Variants in TOP2B observed in about 807,000 individuals in gnomAD.
The protein encoded by TOP2B is DNA topoisomerase 2-beta.
In TOP2B, 51 loss-of-function variants were observed where a neutral mutation model predicts 193.5. The ratio of observed to expected loss-of-function variants is 0.26; its 90% confidence interval spans 0.21 to 0.33. The LOEUF is 0.33. Ranked by LOEUF, TOP2B falls within the 10% of genes least tolerant of loss-of-function variation. The probability of loss-of-function intolerance (pLI) is 1.00; values close to 1 mark genes in which losing one functional copy is unlikely to be tolerated. For synonymous variants in TOP2B, 634 were observed against 635.7 expected (o/e 1.00, Z 0.04); for missense variants, 1,378 against 1,909.3 (o/e 0.72, Z 5.19).
chr3:25,604,639 C>A lies in TOP2B; in HGVS notation c.4489+121G>T, dbSNP rs1702189230. 8 of 782,564 alleles carry A rather than the reference C, an allele frequency of 1.0e-5. No individual in the cohort carries two copies. The South Asian group carries it at 1.2e-4, about 12-fold the overall frequency. The allele number at this position is 782,564 out of a possible 1,614,324, so 48.5% of individuals were successfully genotyped here. ...GAAAACGAGAGGTTCTCCTTATAAGCACTTATACTTCTTAATTGTTTTATG... is the reference window on the plus strand; with the variant it reads ...GAAAACGAGAGGTTCTCCTTATAAGAACTTATACTTCTTAATTGTTTTATG... On this transcript the variant is annotated intron_variant, in intron 33 of 35. Coordinates refer to ENST00000264331, the MANE Select transcript of TOP2B (RefSeq NM_001330700.2).
intron 13 of TOP2B, among the ~76,000 whole-genome samples, chr3:25,629,364 AT>A (rs1246749376): frequency 6.6e-6 from 1 of 152,096 alleles, no homozygotes; most frequent in Non-Finnish European, 1.5e-5. Flanking sequence ...ATATATTATC[AT>A]TTTATCTGTT....
intron 35 of TOP2B, among the ~76,000 whole-genome samples, chr3:25,599,164 AGT>A (rs1702019821): frequency 2.6e-5 from 4 of 152,228 alleles, no homozygotes; most frequent in African/African-American, 9.6e-5. Context: ...AGTCTGAAAG[AGT>A]CTAATATTTA....
intron 23 of TOP2B, 81 bp downstream of exon 23, chr3:25,619,781 C>A: frequency 2.0e-6 from 2 of 983,568 alleles, no homozygotes; most frequent in Non-Finnish European, 3.0e-6. Flanking sequence ...ACTATAGCCA[C>A]TCCCATCATG....
chr3:25,607,323 A>C lies in TOP2B; in HGVS notation c.4146T>G (p.Ala1382=). 2 of 1,552,886 alleles carry C rather than the reference A, an allele frequency of 1.3e-6. No homozygotes were observed. Residue 1382 remains alanine, a synonymous_variant, in exon 31 of 36, where the codon GCT becomes GCG. Transcript: ENST00000264331. ...CATTATTGTCATCATCATCATCATC[A>C]GCATCATCATCCTCTTCTTCTGAGA... The part of the protein sequence containing the change: ...FDFSEEEDDD[A]DDDDDDNNDL...
chr3:25,624,379 G>C lies in TOP2B; in HGVS notation c.2413C>G (p.Leu805Val). 2 of 1,613,902 alleles carry C rather than the reference G, an allele frequency of 1.2e-6. No homozygotes were observed. Among genetic ancestry groups the C allele is most frequent in the Non-Finnish European group, 1.7e-6 (2 of 1,179,852 alleles). The change falls in exon 20 of 36, where the codon CTT (leucine) becomes GTT (valine). Residue 805 changes from leucine (L) to valine (V), a missense_variant. By Grantham distance (32) the Leu-to-Val change is conservative. Transcript: ENST00000264331. ...NFVGSNNINL[L>V]QPIGQFGTRL... is the part of the protein sequence containing the mutation. ...GTTCCAAACTGACCAATAGGCTGAA[G>C]CAAGTTAATGTTGTTACTTCCCACA... is the stretch of plus-strand genomic sequence containing the variant.
chr3:25,645,514 G>T, intron 1 of TOP2B, 44 bp from the exon 2 acceptor site: 1 of 1,490,356 alleles, frequency 6.7e-7, no homozygotes, highest in South Asian at 1.3e-5. Context: ...CTACCAAGGG[G>T]TAGACAATGA....
At chr3:25,650,788 T>C (rs185490534) in intron 1 of TOP2B, among the ~76,000 whole-genome samples, 26 of 152,336 alleles carry the variant, frequency 1.7e-4, no homozygotes, top group Admixed American at 1.7e-3. Context: ...TCATCTCTTC[T>C]TAAAAGAAGT....
rs1345610091 is a variant in TOP2B, at chr3:25,637,195, T to A, written c.639+20A>T. On this transcript the variant is annotated intron_variant, in intron 6 of 35. Coordinates refer to ENST00000264331, the MANE Select transcript of TOP2B (RefSeq NM_001330700.2). ...TAAAACGTTATTTTAAAAAAAGAAA[T>A]AGATGTGTTTCTAGCATACCTGCTT... The A allele has an allele frequency of 1.3e-5, 20 of 1,507,730 alleles. No individual in the cohort carries two copies. The highest frequency in any genetic ancestry group is 1.7e-4 in the Middle Eastern group (1 of 5,862). The allele number at this position is 1,507,730 out of a possible 1,614,324, so 93.4% of individuals were successfully genotyped here.
intron 18 of TOP2B, among the ~76,000 whole-genome samples, chr3:25,626,285 A>G (rs999914016): frequency 6.6e-6 from 1 of 152,146 alleles, no homozygotes; most frequent in Non-Finnish European, 1.5e-5. Context: ...TCTGCAGACA[A>G]CTTGGGCAAA....
At position 25,598,322 on chromosome 3, in the gene TOP2B, A is replaced by AAAATCAACATCATCTTCT; in HGVS notation, c.4848_4865dup (p.Asp1621_Phe1622insLeuGluAspAspValAsp). On this transcript the variant is annotated inframe_insertion, in exon 36 of 36. Transcript: ENST00000264331. ...CTTTGGGCACTTAATTAAACATTGC[A>AAAATCAACATCATCTTCT]AAATCAACATCATCTTCTTCTTCAT... 1 of 1,609,454 alleles carries AAAATCAACATCATCTTCT rather than the reference A, an allele frequency of 6.2e-7. No homozygotes were observed. The highest frequency in any genetic ancestry group is 8.5e-7 in the Non-Finnish European group (1 of 1,177,552).
chr3:25,633,936 G>T lies in TOP2B; in HGVS notation c.931C>A (p.His311Asn). The change falls in exon 8 of 36, where the codon CAT becomes AAT. Residue 311 changes from histidine to asparagine, a missense_variant. Coordinates refer to ENST00000264331, the MANE Select transcript of TOP2B (RefSeq NM_001330700.2). ...TCCCATCTTTCATTTGCAAGCTCATGAATAACTTTCAGGGCCACCCCAGTT... is the reference window on the plus strand; with the variant it reads ...TCCCATCTTTCATTTGCAAGCTCATTAATAACTTTCAGGGCCACCCCAGTT... Reference protein sequence around the residue: ...DETGVALKVIHELANERWDVC... With the variant: ...DETGVALKVINELANERWDVC... 3 of 1,613,074 alleles carry T rather than the reference G, an allele frequency of 1.9e-6. No homozygotes were observed. Among genetic ancestry groups the T allele is most frequent in the Non-Finnish European group, 2.5e-6 (3 of 1,179,362 alleles).
intron 9 of TOP2B, 39 bp from the exon 10 acceptor site, chr3:25,632,622 G>C: frequency 1.2e-6 from 2 of 1,603,372 alleles, no homozygotes; most frequent in East Asian, 2.2e-5. Context: ...TATCAGAGCT[G>C]ATATTTAGTA....
At chr3:25,626,268 T>C (rs2125372527) in intron 18 of TOP2B, among the ~76,000 whole-genome samples, 1 of 152,278 alleles carries the variant, frequency 6.6e-6, no homozygotes, top group East Asian at 1.9e-4. Flanking sequence ...TTTACTTTTT[T>C]AGAAAATCTG....
At chr3:25,630,732 T>TA (rs972822263) in intron 11 of TOP2B, 69 bp downstream of exon 11, 38 of 1,363,306 alleles carry the variant, frequency 2.8e-5, no homozygotes, top group Non-Finnish European at 3.6e-5. Flanking sequence ...ATGTAGAAAA[T>TA]AAAAAAATTC....
intron 8 of TOP2B, among the ~76,000 whole-genome samples, 193 bp from the exon 9 acceptor site, chr3:25,632,987 T>C (rs1008319161): frequency 3.3e-5 from 5 of 152,118 alleles, no homozygotes; most frequent in African/African-American, 1.2e-4. Flanking sequence ...TTTGTTTGTT[T>C]GTTTGCTTTC....
intron 1 of TOP2B, among the ~76,000 whole-genome samples, chr3:25,651,791 T>C (rs537554912): frequency 6.6e-6 from 1 of 151,160 alleles, no homozygotes; most frequent in Admixed American, 6.6e-5. Flanking sequence ...CACTTGAACC[T>C]GAGGCAGAGG....
At chr3:25,614,757 C>A (rs894514230) in intron 27 of TOP2B, among the ~76,000 whole-genome samples, 1 of 151,884 alleles carries the variant, frequency 6.6e-6, no homozygotes, top group African/African-American at 2.4e-5. Context: ...TATATCTCTA[C>A]ATTTTTTTTA....
chr3:25,628,424 T>A (rs1032429539), intron 15 of TOP2B, among the ~76,000 whole-genome samples: 2 of 151,516 alleles, frequency 1.3e-5, no homozygotes, highest in African/African-American at 4.8e-5. Context: ...GGCAGTGAGC[T>A]GTGTTCATGC....
chr3:25,615,037 CAAG>C (rs1702468726), intron 27 of TOP2B, among the ~76,000 whole-genome samples, 165 bp downstream of exon 27: 1 of 151,954 alleles, frequency 6.6e-6, no homozygotes, highest in Admixed American at 6.6e-5. Context: ...TTCCTCCATA[CAAG>C]AAGTTCTTTA....
Sources: allele counts gnomAD v4.1 joint callset (sites outside exome capture counted in the v4.1 genomes callset), GRCh38; gene constraint gnomAD v4.1.1; transcripts MANE v1.5; gene names NCBI Gene and HGNC (gene_info 2026-07-23, HGNC 2026-07-21).